The following TBXAS1 variants were observed in gnomAD, a reference collection of about 807,000 sequenced individuals.
TBXAS1 encodes the protein thromboxane-A synthase.
Under a neutral mutation model 60.7 loss-of-function variants are expected in TBXAS1, and 48 were observed. The observed-to-expected ratio is 0.79, with a 90% CI of 0.63 to 1.01. The LOEUF (loss-of-function observed/expected upper bound fraction) is 1.01. Ranked by LOEUF, TBXAS1 falls within the 50% of genes least tolerant of loss-of-function variation. The pLI, the probability that TBXAS1 is intolerant of heterozygous loss-of-function variation, is 0.00. For missense variants in TBXAS1, 685 were observed against 686.3 expected (o/e 1.00, Z 0.02); for synonymous variants, 287 against 269.7 (o/e 1.06, Z -0.63).
At position 140,019,676 on chromosome 7, in the gene TBXAS1, C is replaced by A. The variant is rs554811018; in HGVS notation, c.1528-349C>A. On this transcript the variant is annotated intron_variant, in intron 12 of 12. Transcript: ENST00000448866. The stretch of plus-strand genomic sequence containing the variant: ...TAATTCTTTGGTTTTTCTTCAAAGT[C>A]CCCAGTCCACCACTGGCTCTGCCTT... Among the ~76,000 whole-genome samples, 3 of 152,314 alleles carry A rather than the reference C, an allele frequency of 2.0e-5. No individual in the cohort carries two copies. In the South Asian group the frequency reaches 6.2e-4, roughly 32 times the overall value.
At chr7:139,990,640 C>A (rs575079808) in intron 9 of TBXAS1, among the ~76,000 whole-genome samples, 171 of 152,236 alleles carry the variant, frequency 1.1e-3, no homozygotes, top group African/African-American at 4.0e-3. Context: ...GCTGTGCCCC[C>A]TCTCGGGGCC....
intron 1 of TBXAS1, among the ~76,000 whole-genome samples, chr7:139,856,637 T>C (rs1436691343): frequency 6.6e-6 from 1 of 152,206 alleles, no homozygotes; most frequent in Admixed American, 6.5e-5. Context: ...GAGAAACATG[T>C]GCATGCGCAA....
At position 139,859,526 on chromosome 7, in the gene TBXAS1, T is replaced by G. The variant is rs1454583398; in HGVS notation, c.90-12709T>G. On this transcript the variant is annotated intron_variant, in intron 1 of 12. Transcript: ENST00000448866. Reference sequence around the variant, plus strand: ...TGGCCTATCATTAGTTTTTAATTTATGTAAGTGATACTGATTTTCACTTAT... The same window carrying G: ...TGGCCTATCATTAGTTTTTAATTTAGGTAAGTGATACTGATTTTCACTTAT... Among the ~76,000 whole-genome samples the G allele has an allele frequency of 2.0e-5, 3 of 152,200 alleles. No individual in the cohort carries two copies. In the East Asian group the frequency reaches 5.8e-4, roughly 29 times the overall value.
At chr7:139,837,754 C>T (rs974862603) in intron 1 of TBXAS1, among the ~76,000 whole-genome samples, 1 of 152,100 alleles carries the variant, frequency 6.6e-6, no homozygotes, top group Non-Finnish European at 1.5e-5. Context: ...TCAGAAATCA[C>T]CACTAAAGAA....
chr7:139,955,667 G>A, intron 7 of TBXAS1, 60 bp downstream of exon 7: 1 of 1,608,558 alleles, frequency 6.2e-7, no homozygotes. Context: ...CAGACCCCAT[G>A]ACACCTGGGG....
intron 1 of TBXAS1, among the ~76,000 whole-genome samples, chr7:139,836,702 T>C (rs749773052): frequency 6.6e-6 from 1 of 152,182 alleles, no homozygotes. Context: ...GACCTGAAAC[T>C]ATACAAATTC....
At chr7:139,864,232 T>G (rs1179346078) in intron 1 of TBXAS1, among the ~76,000 whole-genome samples, 5 of 151,316 alleles carry the variant, frequency 3.3e-5, no homozygotes, top group Non-Finnish European at 7.4e-5. Context: ...GATCATTGAT[T>G]ACAACGCTGG....
At chr7:139,863,259 T>C (rs988371633) in intron 1 of TBXAS1, among the ~76,000 whole-genome samples, 1 of 152,226 alleles carries the variant, frequency 6.6e-6, no homozygotes, top group African/African-American at 2.4e-5. Flanking sequence ...AGTGACAAAG[T>C]TATTGTCAGG....
At chr7:139,817,053 C>T (rs773724560) in intron 4 of TBXAS1, among the ~76,000 whole-genome samples, 1 of 152,184 alleles carries the variant, frequency 6.6e-6, no homozygotes, top group Non-Finnish European at 1.5e-5. Context: ...TTGTCCTTCC[C>T]AATCAGTTGC....
At chr7:139,891,701 G>C (rs1368906502) in intron 3 of TBXAS1, among the ~76,000 whole-genome samples, 2 of 152,208 alleles carry the variant, frequency 1.3e-5, no homozygotes, top group African/African-American at 4.8e-5. Flanking sequence ...CCAGTGCCTA[G>C]AATGGTGACT....
chr7:139,936,100 T>A (rs1257782789), intron 4 of TBXAS1, 91 bp from the exon 5 acceptor site: 1 of 1,227,592 alleles, frequency 8.1e-7, no homozygotes, highest in African/African-American at 1.5e-5. Context: ...ACTGATGGAC[T>A]TTAACCAGGG....
intron 9 of TBXAS1, among the ~76,000 whole-genome samples, chr7:139,994,541 C>G (rs944300879): frequency 6.6e-6 from 1 of 152,034 alleles, no homozygotes; most frequent in African/African-American, 2.4e-5. Flanking sequence ...TTGGGCCTAG[C>G]CCTCCCCACT....
chr7:139,920,752 C>T (rs1042476249), intron 4 of TBXAS1, among the ~76,000 whole-genome samples: 10 of 152,306 alleles, frequency 6.6e-5, no homozygotes, highest in Middle Eastern at 6.8e-3. Context: ...TGTCTGAAAA[C>T]CATTGTTTGG....
intron 9 of TBXAS1, among the ~76,000 whole-genome samples, chr7:139,982,613 G>T (rs8192846): frequency 0.2 from 30,387 of 152,036 alleles, 3,214 homozygotes; most frequent in Middle Eastern, 0.4. Flanking sequence ...AAAAGTTTTA[G>T]GAAACATGTC....
intron 3 of TBXAS1, among the ~76,000 whole-genome samples, chr7:139,893,038 AT>A (rs1240382360): frequency 6.6e-6 from 1 of 151,660 alleles, no homozygotes; most frequent in African/African-American, 2.4e-5. Flanking sequence ...GTGCTTTATT[AT>A]TTTTTCCCTG....
At chr7:139,915,732 C>A (rs1282880982) in intron 4 of TBXAS1, among the ~76,000 whole-genome samples, 1 of 152,218 alleles carries the variant, frequency 6.6e-6, no homozygotes, top group Non-Finnish European at 1.5e-5. Flanking sequence ...CCCTGACATA[C>A]AACAACATTG....
intron 9 of TBXAS1, among the ~76,000 whole-genome samples, chr7:139,972,073 T>A (rs1569521120): frequency 6.6e-6 from 1 of 152,128 alleles, no homozygotes; most frequent in South Asian, 2.1e-4. Context: ...GCAGGTGTTT[T>A]TTTCTGGGCT....
chr7:139,952,427 C>A, intron 5 of TBXAS1: 1 of 1,189,912 alleles, frequency 8.4e-7, no homozygotes, highest in Non-Finnish European at 1.1e-6. Flanking sequence ...CAAATCTAAA[C>A]ATAGGTTACA....
chr7:139,985,448 G>A (rs1419146066), intron 9 of TBXAS1, among the ~76,000 whole-genome samples: 1 of 152,172 alleles, frequency 6.6e-6, no homozygotes, highest in Non-Finnish European at 1.5e-5. Flanking sequence ...AGGCCAGGGT[G>A]GTCGTTAGTG....
Sources: allele counts gnomAD v4.1 joint callset (sites outside exome capture counted in the v4.1 genomes callset), GRCh38; gene constraint gnomAD v4.1.1; transcripts MANE v1.5; gene names NCBI Gene and HGNC (gene_info 2026-07-23, HGNC 2026-07-21).